The following SLC9A9 variants were observed in gnomAD, a reference collection of about 807,000 sequenced individuals.
SLC9A9 encodes the protein sodium/hydrogen exchanger 9.
Under a neutral mutation model 77.8 loss-of-function variants are expected in SLC9A9, and 62 were observed. The ratio of observed to expected loss-of-function variants is 0.80; its 90% CI spans 0.65 to 0.98. SLC9A9 has a LOEUF of 0.98. Among genes scored for constraint, SLC9A9 ranks in the 50% least tolerant of loss-of-function variants. The pLI is 0.00. For synonymous variants in SLC9A9, 320 were observed against 283.5 expected (o/e 1.13, Z -1.29); for missense variants, 775 against 774.9 (o/e 1.00, Z 0.00).
chr3:143,340,383 A>G (rs1199553145), intron 14 of SLC9A9, among the ~76,000 whole-genome samples: 18 of 152,248 alleles, frequency 1.2e-4, no homozygotes, highest in Non-Finnish European at 2.5e-4. Context: ...TATTTTGATT[A>G]CCTGCTGATT....
chr3:143,303,753 T>C (rs912209851), intron 14 of SLC9A9, among the ~76,000 whole-genome samples: 1 of 152,180 alleles, frequency 6.6e-6, no homozygotes, highest in Admixed American at 6.5e-5. Flanking sequence ...AGGGTCTCCT[T>C]ACCTACACTT....
intron 11 of SLC9A9, among the ~76,000 whole-genome samples, chr3:143,471,307 A>T (rs950123359): frequency 3.9e-5 from 6 of 152,224 alleles, no homozygotes; most frequent in African/African-American, 1.4e-4. Context: ...CTTATCATAC[A>T]TTTGGAGCCT....
intron 12 of SLC9A9, among the ~76,000 whole-genome samples, chr3:143,457,319 C>T (rs1176281715): frequency 6.6e-6 from 1 of 152,140 alleles, no homozygotes; most frequent in Non-Finnish European, 1.5e-5. Context: ...GGTCTGGCCC[C>T]TCCTTTCATT....
chr3:143,625,118 C>T (rs1398904966), intron 6 of SLC9A9, among the ~76,000 whole-genome samples: 1 of 152,160 alleles, frequency 6.6e-6, no homozygotes. Flanking sequence ...TAAAAGAAGA[C>T]ACAAACAAAT....
In SLC9A9 at chr3:143,574,107, G is replaced by C; in HGVS notation, c.981C>G (p.Ala327=). The change falls in exon 8 of 16, where the codon GCC becomes GCG. Residue 327 remains alanine, a synonymous_variant. Transcript: ENST00000316549. ...ACTGACCTGTTAGGCCGGCAGCCTC[G>C]GCAGACAGGAAGGCACTCCAAGAAA... ...FLLSWSAFLS[A]EAAGLTGIVA... The C allele has an allele frequency of 6.2e-7, 1 of 1,613,258 alleles. No individual in the cohort carries two copies. Among genetic ancestry groups the C allele is most frequent in the East Asian group, 2.2e-5 (1 of 44,832 alleles).
At chr3:143,345,501 C>T (rs1250178965) in intron 14 of SLC9A9, among the ~76,000 whole-genome samples, 1 of 152,144 alleles carries the variant, frequency 6.6e-6, no homozygotes, top group African/African-American at 2.4e-5. Flanking sequence ...CATTGCTGAC[C>T]TAACAAGCTG....
chr3:143,437,128 TC>T (rs2034634672), intron 12 of SLC9A9, among the ~76,000 whole-genome samples: 1 of 152,232 alleles, frequency 6.6e-6, no homozygotes, highest in Non-Finnish European at 1.5e-5. Context: ...CTACTTGAGT[TC>T]CCCACTATTG....
intron 2 of SLC9A9, chr3:143,811,872 A>G (rs2008875717): frequency 3.0e-6 from 1 of 334,100 alleles, no homozygotes; most frequent in East Asian, 9.6e-5. Flanking sequence ...AAAAGAAAAA[A>G]AAAAAAGAAA....
intron 12 of SLC9A9, among the ~76,000 whole-genome samples, chr3:143,391,790 A>T (rs935549315): frequency 1.3e-5 from 2 of 152,214 alleles, no homozygotes; most frequent in Non-Finnish European, 2.9e-5. Context: ...TGGCACGAGA[A>T]CTATGGGACG....
At chr3:143,554,002 T>A (rs2108640590) in intron 8 of SLC9A9, among the ~76,000 whole-genome samples, 1 of 152,340 alleles carries the variant, frequency 6.6e-6, no homozygotes, top group Admixed American at 6.5e-5. Context: ...TTCTCTTTAT[T>A]TATTTAAAAA....
intron 5 of SLC9A9, among the ~76,000 whole-genome samples, chr3:143,668,426 C>T (rs1453603606): frequency 6.6e-6 from 1 of 151,910 alleles, no homozygotes; most frequent in Non-Finnish European, 1.5e-5. Flanking sequence ...CGCATGTATA[C>T]ATATTTAACA....
At chr3:143,521,662 T>A (rs1212042929) in intron 9 of SLC9A9, among the ~76,000 whole-genome samples, 3 of 152,120 alleles carry the variant, frequency 2.0e-5, no homozygotes, top group African/African-American at 7.2e-5. Context: ...TTATGTCTCC[T>A]CTGTGTAGAA....
chr3:143,524,303 G>T (rs780704748), intron 9 of SLC9A9, among the ~76,000 whole-genome samples: 3 of 151,434 alleles, frequency 2.0e-5, no homozygotes, highest in Admixed American at 2.0e-4. Context: ...GAGAGGGATA[G>T]AGGCTGAACT....
At chr3:143,342,482 C>T (rs2032132222) in intron 14 of SLC9A9, among the ~76,000 whole-genome samples, 1 of 152,152 alleles carries the variant, frequency 6.6e-6, no homozygotes, top group Admixed American at 6.5e-5. Flanking sequence ...CTCATGAGGT[C>T]ACTTATAAAC....
chr3:143,308,309 G>A (rs958691956), intron 14 of SLC9A9, among the ~76,000 whole-genome samples: 1 of 152,182 alleles, frequency 6.6e-6, no homozygotes, highest in Non-Finnish European at 1.5e-5. Flanking sequence ...AGGCGTGGTG[G>A]CTCACGCCTG....
At chr3:143,622,355 C>A (rs955131543) in intron 6 of SLC9A9, among the ~76,000 whole-genome samples, 2 of 152,176 alleles carry the variant, frequency 1.3e-5, no homozygotes, top group African/African-American at 4.8e-5. Context: ...ATGTTAAGGG[C>A]AGCCAGAGAG....
intron 4 of SLC9A9, among the ~76,000 whole-genome samples, chr3:143,793,036 T>C (rs146234164): frequency 0.01 from 1,548 of 152,312 alleles, 28 homozygotes; most frequent in African/African-American, 0.035. Context: ...CTACAAATTT[T>C]TGTTGCTCAG....
intron 4 of SLC9A9, among the ~76,000 whole-genome samples, chr3:143,695,010 A>G (rs919224220): frequency 1.3e-5 from 2 of 152,124 alleles, no homozygotes; most frequent in East Asian, 1.9e-4. Context: ...AAAGACTGTC[A>G]GTGGGACACA....
At chr3:143,404,937 A>AT (rs1426945792) in intron 12 of SLC9A9, among the ~76,000 whole-genome samples, 6 of 152,184 alleles carry the variant, frequency 3.9e-5, no homozygotes, top group Admixed American at 3.9e-4. Flanking sequence ...TATTTTGGTC[A>AT]TAAGTTATGC....
Sources: gnomAD v4.1 joint callset for allele counts (sites outside exome capture counted in the v4.1 genomes callset) on GRCh38, gnomAD v4.1.1 for gene constraint, MANE v1.5 for transcripts, NCBI Gene and HGNC (gene_info 2026-07-23, HGNC 2026-07-21) for gene names.